The following NLGN1 variants were observed in gnomAD, a reference collection of about 807,000 sequenced individuals.
NLGN1 encodes the protein neuroligin-1.
Under a neutral mutation model 65.5 loss-of-function variants are expected in NLGN1, and 12 were observed. The ratio of observed to expected loss-of-function variants is 0.18; its 90% CI spans 0.12 to 0.30. The LOEUF (loss-of-function observed/expected upper bound fraction) is 0.30, where lower values mean the gene tolerates loss of function less well. Ranked by LOEUF, NLGN1 falls within the 10% of genes least tolerant of loss-of-function variation. The pLI, the probability that NLGN1 is intolerant of heterozygous loss-of-function variation, is 1.00. For synonymous variants in NLGN1, 350 were observed against 359.5 expected (o/e 0.97, Z 0.30); for missense variants, 750 against 1,007.1 (o/e 0.74, Z 3.46).
chr3:173,563,436 G>A (rs537256571), intron 2 of NLGN1, among the ~76,000 whole-genome samples: 2 of 152,284 alleles, frequency 1.3e-5, no homozygotes, highest in South Asian at 2.1e-4. Context: ...TGCCCTGAAA[G>A]CCAAGGAATG....
At position 173,577,882 on chromosome 3, in the gene NLGN1, T is replaced by C. The variant is rs145714014; in HGVS notation, c.-320-26397T>C. On this transcript the variant is annotated intron_variant, in intron 2 of 6. Transcript: ENST00000457714. ...TGATAGATGGATAGATAGACAGATA[T>C]ATAGACAGATAGATAGAGACAGAGA... is the stretch of plus-strand genomic sequence containing the variant. Among the ~76,000 whole-genome samples, 12 of 152,190 alleles carry C rather than the reference T, an allele frequency of 7.9e-5. 1 individual carries two copies. The highest frequency in any genetic ancestry group is 2.6e-4 in the Admixed American group (4 of 15,288).
chr3:173,705,777 C>T (rs1560205804), intron 3 of NLGN1, among the ~76,000 whole-genome samples: 2 of 151,920 alleles, frequency 1.3e-5, no homozygotes, highest in Admixed American at 1.3e-4. Context: ...TGTGGAGAGC[C>T]TGATCCTTTA....
chr3:174,268,857 A>G (rs1748787913), intron 4 of NLGN1, among the ~76,000 whole-genome samples: 3 of 152,062 alleles, frequency 2.0e-5, no homozygotes. Flanking sequence ...TTAAAGAGCA[A>G]ATTGTCTTAG....
At chr3:173,476,322 T>C (rs1254031094) in intron 2 of NLGN1, among the ~76,000 whole-genome samples, 1 of 152,258 alleles carries the variant, frequency 6.6e-6, no homozygotes, top group Non-Finnish European at 1.5e-5. Flanking sequence ...TATATTATTC[T>C]GTATGTGGGA....
chr3:173,590,591 C>T (rs778263525), intron 2 of NLGN1, among the ~76,000 whole-genome samples: 4 of 152,040 alleles, frequency 2.6e-5, no homozygotes, highest in East Asian at 1.9e-4. Flanking sequence ...AATCAATAAA[C>T]GTTTATTGAA....
At chr3:173,968,620 A>T (rs1047828881) in intron 4 of NLGN1, among the ~76,000 whole-genome samples, 1 of 151,678 alleles carries the variant, frequency 6.6e-6, no homozygotes, top group African/African-American at 2.4e-5. Context: ...AGCTTTCTGG[A>T]AAATTATCAC....
chr3:173,419,020 C>CTTTTTTTTTTT lies in NLGN1; in HGVS notation c.-389-15966_-389-15956dup, dbSNP rs59051811. On this transcript the variant is annotated intron_variant, in intron 1 of 6. Transcript: ENST00000457714. ...TCTGTTCTTTAGCTTTCTTCTTCTT[C>CTTTTTTTTTTT]TTTTTTTTTTTTTTTTTTTTTTTTT... 7.3e-4 allele frequency among the ~76,000 whole-genome samples: 9 copies of CTTTTTTTTTTT among 12,262 alleles called. 1 individual carries two copies. The highest frequency in any genetic ancestry group is 1.1e-3 in the Non-Finnish European group (8 of 7,222). 8.0% of individuals were successfully genotyped at this position (12,262 alleles called of 152,430 possible). A position where few individuals can be genotyped will look rare whatever the true frequency, so the allele number is the denominator to read the frequency against.
chr3:173,756,298 A>C (rs1200766333), intron 3 of NLGN1, among the ~76,000 whole-genome samples: 3 of 152,026 alleles, frequency 2.0e-5, no homozygotes, highest in Admixed American at 2.0e-4. Flanking sequence ...GTAAACATCA[A>C]TATAAATTTA....
At chr3:174,265,354 C>T (rs560045214) in intron 4 of NLGN1, among the ~76,000 whole-genome samples, 3 of 152,198 alleles carry the variant, frequency 2.0e-5, no homozygotes, top group East Asian at 1.9e-4. Context: ...TAGGACCCTC[C>T]GAGCCAGGTG....
At chr3:173,913,496 T>C (rs934405308) in intron 4 of NLGN1, among the ~76,000 whole-genome samples, 1 of 152,182 alleles carries the variant, frequency 6.6e-6, no homozygotes, top group Non-Finnish European at 1.5e-5. Context: ...CTGAGGGCCA[T>C]GTTCAGTGCT....
chr3:173,894,365 C>T (rs114216618), intron 4 of NLGN1, among the ~76,000 whole-genome samples: 1,727 of 152,246 alleles, frequency 0.011, 37 homozygotes, highest in African/African-American at 0.037. Context: ...TCCAGAGACT[C>T]AAGTTGATAG....
upstream of NLGN1, chr3:173,396,305 C>T (rs2148583617): frequency 2.0e-5 from 3 of 152,362 alleles, no homozygotes; most frequent in Admixed American, 2.0e-4. Flanking sequence ...CATATTGAAG[C>T]AGGTGGCTCC....
chr3:173,924,633 A>T (rs936208254), intron 4 of NLGN1, among the ~76,000 whole-genome samples: 6 of 151,640 alleles, frequency 4.0e-5, no homozygotes, highest in African/African-American at 4.9e-5. Context: ...AAAAAAAAAA[A>T]TAAAAATAAA....
At chr3:174,065,584 A>G (rs1202702027) in intron 4 of NLGN1, among the ~76,000 whole-genome samples, 1 of 152,024 alleles carries the variant, frequency 6.6e-6, no homozygotes, top group Non-Finnish European at 1.5e-5. Context: ...CGTCTCATTG[A>G]TTCCTGCCTC....
chr3:174,232,062 G>T (rs1740805174), intron 4 of NLGN1, among the ~76,000 whole-genome samples: 2 of 152,200 alleles, frequency 1.3e-5, no homozygotes, highest in African/African-American at 4.8e-5. Context: ...CACCAAACAG[G>T]CTTTGTGTGA....
Position 173,778,274 on chromosome 3 carries a change from G to C in NLGN1, c.494-29406G>C, listed in dbSNP as rs190290270. On this transcript the variant is annotated intron_variant, in intron 3 of 6. Transcript: ENST00000457714. ...TCTGGCTTTGGAGACCTCTTTTTTA[G>C]TTGAAATTTATAAATTAACCAAATG... Among the ~76,000 whole-genome samples the C allele has an allele frequency of 1.6e-3, 241 of 151,834 alleles. No homozygotes were observed. The Middle Eastern group carries it at 0.031, about 19-fold the overall frequency.
At chr3:173,746,564 CCTTCACGAAA>C (rs1775417170) in intron 3 of NLGN1, among the ~76,000 whole-genome samples, 1 of 151,900 alleles carries the variant, frequency 6.6e-6, no homozygotes, top group South Asian at 2.1e-4. Context: ...GTCTTAAAGC[CCTTCACGAAA>C]ACCATTCTTG....
At chr3:173,544,955 A>G (rs901443072) in intron 2 of NLGN1, among the ~76,000 whole-genome samples, 1 of 152,132 alleles carries the variant, frequency 6.6e-6, no homozygotes, top group Non-Finnish European at 1.5e-5. Flanking sequence ...TTGAAATGAT[A>G]CTGATGGATC....
intron 4 of NLGN1, among the ~76,000 whole-genome samples, chr3:173,981,498 T>G (rs1311064780): frequency 6.6e-6 from 1 of 152,152 alleles, no homozygotes; most frequent in Non-Finnish European, 1.5e-5. Flanking sequence ...AACACGTAAC[T>G]CCAACTATTT....
Sources: gnomAD v4.1 joint callset for allele counts (sites outside exome capture counted in the v4.1 genomes callset) on GRCh38, gnomAD v4.1.1 for gene constraint, MANE v1.5 for transcripts, NCBI Gene and HGNC (gene_info 2026-07-23, HGNC 2026-07-21) for gene names.